The following DOCK4 variants were observed in gnomAD, a reference collection of about 807,000 sequenced individuals.
DOCK4 encodes dedicator of cytokinesis 4, also known as dedicator of cytokinesis protein 4.
In DOCK4, 97 loss-of-function variants were observed where a neutral mutation model predicts 268.1. The ratio of observed to expected loss-of-function variants is 0.36; its 90% CI spans 0.31 to 0.43. DOCK4 has a LOEUF of 0.43. Ranked by LOEUF, DOCK4 falls within the 20% of genes least tolerant of loss-of-function variation. The probability of loss-of-function intolerance (pLI) is 1.00; values close to 1 mark genes in which losing one functional copy is unlikely to be tolerated. For missense variants in DOCK4, 2,145 were observed against 2,455.7 expected, an observed-to-expected ratio of 0.87 and a Z score of 2.67; for synonymous variants, 954 against 887.2, an observed-to-expected ratio of 1.08 and a Z score of -1.34.
chr7:112,082,714 A>C (rs1808713140), intron 1 of DOCK4, among the ~76,000 whole-genome samples: 1 of 152,172 alleles, frequency 6.6e-6, no homozygotes, highest in African/African-American at 2.4e-5. Flanking sequence ...TAAGGCTTAT[A>C]GTTTACTATA....
At chr7:112,066,279 CTCT>C (rs1806921310) in intron 1 of DOCK4, among the ~76,000 whole-genome samples, 1 of 152,034 alleles carries the variant, frequency 6.6e-6, no homozygotes, top group African/African-American at 2.4e-5. Flanking sequence ...AGCAGGGACA[CTCT>C]TCTTTTACTG....
At chr7:112,013,621 T>G (rs896585401) in intron 1 of DOCK4, among the ~76,000 whole-genome samples, 25 of 152,322 alleles carry the variant, frequency 1.6e-4, no homozygotes, top group African/African-American at 6.0e-4. Context: ...CCTGTCCCCT[T>G]AACAGGTCTT....
chr7:112,067,417 G>T (rs969686895), intron 1 of DOCK4, among the ~76,000 whole-genome samples: 1 of 152,094 alleles, frequency 6.6e-6, no homozygotes, highest in Non-Finnish European at 1.5e-5. Context: ...CTGAGATAGG[G>T]AAGAGAGAGG....
chr7:111,734,199 C>T (rs2133383593), intron 51 of DOCK4, among the ~76,000 whole-genome samples: 1 of 151,976 alleles, frequency 6.6e-6, no homozygotes. Flanking sequence ...GCCTTGGCCT[C>T]CCAAAGTGCT....
At chr7:112,002,154 T>G (rs1391563160) in intron 2 of DOCK4, among the ~76,000 whole-genome samples, 1 of 152,178 alleles carries the variant, frequency 6.6e-6, no homozygotes, top group Admixed American at 6.6e-5. Flanking sequence ...AAGGATATAT[T>G]GTAAAATATC....
chr7:112,045,209 A>G (rs73434610), intron 1 of DOCK4, among the ~76,000 whole-genome samples: 7,692 of 152,056 alleles, frequency 0.051, 597 homozygotes, highest in African/African-American at 0.17. Flanking sequence ...TTATTTTTAT[A>G]TCTGCCTCTG....
chr7:111,900,227 C>T (rs1791022900), intron 15 of DOCK4, 147 bp downstream of exon 15: 1 of 1,021,690 alleles, frequency 9.8e-7, no homozygotes, highest in African/African-American at 1.6e-5. Context: ...ACTGTGCCTC[C>T]CCTTTCTGGC....
chr7:112,062,346 G>C (rs1319076393), intron 1 of DOCK4, among the ~76,000 whole-genome samples: 1 of 152,112 alleles, frequency 6.6e-6, no homozygotes, highest in African/African-American at 2.4e-5. Context: ...TCATGGAGTG[G>C]GAAAAAGTAC....
At chr7:112,058,948 G>T (rs1806104803) in intron 1 of DOCK4, among the ~76,000 whole-genome samples, 1 of 152,110 alleles carries the variant, frequency 6.6e-6, no homozygotes, top group African/African-American at 2.4e-5. Flanking sequence ...GCTGATTTGA[G>T]TCAAGATTAA....
intron 22 of DOCK4, among the ~76,000 whole-genome samples, chr7:111,865,308 C>T (rs1238342112): frequency 6.6e-6 from 1 of 152,198 alleles, no homozygotes; most frequent in Non-Finnish European, 1.5e-5. Context: ...GCATTTGGGG[C>T]AGGAGGACTA....
At chr7:111,900,335 C>T (rs1258916058) in intron 15 of DOCK4, 39 bp downstream of exon 15, 1 of 1,600,506 alleles carries the variant, frequency 6.2e-7, no homozygotes. Context: ...GATACTCCAG[C>T]ACAATAGACA....
intron 4 of DOCK4, among the ~76,000 whole-genome samples, chr7:111,994,511 G>GT (rs1799775678): frequency 6.6e-6 from 1 of 152,162 alleles, no homozygotes; most frequent in Non-Finnish European, 1.5e-5. Flanking sequence ...TTCACGACTA[G>GT]GCAGCAACTC....
Position 111,727,523 on chromosome 7 carries a change from T to A in DOCK4, c.*751A>T, listed in dbSNP as rs1199978514. 2.0e-5 allele frequency: 3 copies of A among 152,614 alleles called. No homozygotes were observed. The highest frequency in any genetic ancestry group is 4.4e-5 in the Non-Finnish European group (3 of 68,030). The allele number at this position is 152,614 out of a possible 1,614,324, so 9.5% of individuals were successfully genotyped here. A position where few individuals can be genotyped will look rare whatever the true frequency, so the allele number is the denominator to read the frequency against. On this transcript the variant is annotated 3_prime_UTR_variant, in exon 53 of 53. Transcript: ENST00000428084. ...ACTATCAAGAAAGGAAGCGCAAAAT[T>A]CAAGTAAACATTTCTTCTGGAGCCT...
intron 30 of DOCK4, among the ~76,000 whole-genome samples, chr7:111,796,054 G>A (rs1040346205): frequency 2.0e-5 from 3 of 152,120 alleles, no homozygotes; most frequent in Non-Finnish European, 2.9e-5. Flanking sequence ...GATCTCTGCT[G>A]GCAAGATGTT....
At chr7:112,094,673 G>A (rs1809943947) in intron 1 of DOCK4, among the ~76,000 whole-genome samples, 1 of 152,116 alleles carries the variant, frequency 6.6e-6, no homozygotes, top group Non-Finnish European at 1.5e-5. Context: ...ACCAAACTAG[G>A]GAGTTAATAG....
intron 52 of DOCK4, 24 bp from the exon 53 acceptor site, chr7:111,728,744 G>A (rs749566954): frequency 1.3e-6 from 2 of 1,581,328 alleles, no homozygotes; most frequent in East Asian, 4.5e-5. Flanking sequence ...AAGGAAACGA[G>A]AGGGAGACAC....
chr7:111,746,350 T>A lies in DOCK4; in HGVS notation c.4661A>T (p.Glu1554Val), dbSNP rs762436734. Residue 1554 changes from glutamate to valine, a missense_variant, in exon 44 of 53, where the codon GAG (glutamate) becomes GTG (valine). Physicochemically the swap from Glu to Val is moderately radical, Grantham distance 121 (BLOSUM62 -2). This residue lies in a region of DOCK4 where 1,598 missense variants were observed against 1,986.7 expected (regional missense o/e 0.80). Coordinates refer to ENST00000428084, the MANE Select transcript of DOCK4 (RefSeq NM_001363540.2). Reference sequence around the variant, plus strand: ...TTCCCTTACCTGCTCAAGCATCAGCTCTCTTAATCGTGCAATTTTCTCCCC... The same window carrying A: ...TTCCCTTACCTGCTCAAGCATCAGCACTCTTAATCGTGCAATTTTCTCCCC... ...EDGEKIARLR[E>V]LMLEQAQILE... 5.0e-6 allele frequency: 8 copies of A among 1,612,854 alleles called. No individual in the cohort carries two copies. The highest frequency in any genetic ancestry group is 6.8e-6 in the Non-Finnish European group (8 of 1,179,458).
intron 12 of DOCK4, among the ~76,000 whole-genome samples, chr7:111,921,036 A>C (rs1489677962): frequency 6.6e-6 from 1 of 152,102 alleles, no homozygotes; most frequent in African/African-American, 2.4e-5. Flanking sequence ...ATTTAACCTA[A>C]TTTTGTTTAT....
At chr7:111,880,264 A>G (rs117339383) in intron 16 of DOCK4, among the ~76,000 whole-genome samples, 2,417 of 152,344 alleles carry the variant, frequency 0.016, 28 homozygotes, top group Middle Eastern at 0.075. Flanking sequence ...ACAGGCAAAG[A>G]GAGTGTGGCA....
Sources: allele counts gnomAD v4.1 joint callset (sites outside exome capture counted in the v4.1 genomes callset), GRCh38; gene constraint gnomAD v4.1.1; regional missense constraint gnomAD v4.1.1; transcripts MANE v1.5; gene names NCBI Gene and HGNC (gene_info 2026-07-23, HGNC 2026-07-21).